SIPA1L1: variants seen among roughly 807,000 people sequenced by gnomAD.
SIPA1L1 encodes signal induced proliferation associated 1 like 1.
A neutral mutation model predicts 162.7 loss-of-function variants in SIPA1L1; 26 were observed. The ratio of observed to expected loss-of-function variants is 0.16; its 90% confidence interval spans 0.12 to 0.22. The LOEUF is 0.22. Among genes scored for constraint, SIPA1L1 ranks in the 10% least tolerant of loss-of-function variants. The pLI is 1.00. For missense variants in SIPA1L1, 1,874 were observed against 2,241.0 expected, an observed-to-expected ratio of 0.84 and a Z score of 3.31; for synonymous variants, 829 against 837.4, an observed-to-expected ratio of 0.99 and a Z score of 0.17.
intron 2 of SIPA1L1, among the ~76,000 whole-genome samples, chr14:71,399,997 A>ATT (rs796964639): frequency 2.7e-5 from 4 of 148,014 alleles, no homozygotes; most frequent in South Asian, 4.3e-4. Flanking sequence ...TATTTTTTGT[A>ATT]TTTTTTTTTT....
At chr14:71,426,566 T>G (rs918429361) in intron 2 of SIPA1L1, among the ~76,000 whole-genome samples, 1 of 151,010 alleles carries the variant, frequency 6.6e-6, no homozygotes, top group Non-Finnish European at 1.5e-5. Flanking sequence ...CTTGGCTTAC[T>G]GCAACCTCTG....
chr14:71,544,150 C>T lies in SIPA1L1; in HGVS notation c.-303+14780C>T, dbSNP rs577437744. Among the ~76,000 whole-genome samples the T allele has an allele frequency of 6.7e-5, 10 of 150,322 alleles. No individual in the cohort carries two copies. In the South Asian group the frequency reaches 1.0e-3, roughly 16 times the overall value. On this transcript the variant is annotated intron_variant, in intron 4 of 23. Transcript: ENST00000381232. ...ACGTGTATGTATATACATATATGCA[C>T]GTGTGTGTATATGTACATATATGCA...
In SIPA1L1 at chr14:71,475,631, T is replaced by G. The variant is rs12889221; in HGVS notation, c.-464-37112T>G. On this transcript the variant is annotated intron_variant, in intron 2 of 23. Coordinates refer to ENST00000381232, the MANE Select transcript of SIPA1L1 (RefSeq NM_001386936.1). ...GAGAAAATTAGAAAGAAAAAAATTA[T>G]CCGTAGCTTCTCCATTAAAACAAAA... Among the ~76,000 whole-genome samples, 822 of 152,330 alleles carry G rather than the reference T, an allele frequency of 5.4e-3. 7 individuals carry two copies. The highest frequency in any genetic ancestry group is 0.014 in the Middle Eastern group (4 of 294).
chr14:71,729,118 C>G (rs1360240631), intron 19 of SIPA1L1, among the ~76,000 whole-genome samples: 3 of 152,216 alleles, frequency 2.0e-5, no homozygotes, highest in Middle Eastern at 3.2e-3. Context: ...TCACAGCAAC[C>G]TCTGCCTCCC....
At chr14:71,715,372 G>A (rs2083191411) in intron 17 of SIPA1L1, among the ~76,000 whole-genome samples, 1 of 152,210 alleles carries the variant, frequency 6.6e-6, no homozygotes, top group African/African-American at 2.4e-5. Flanking sequence ...ACAGATACAA[G>A]CACATGGTGA....
chr14:71,625,438 T>G (rs1471652446), intron 7 of SIPA1L1, among the ~76,000 whole-genome samples: 1 of 152,226 alleles, frequency 6.6e-6, no homozygotes, highest in Non-Finnish European at 1.5e-5. Context: ...TAGCTGGGAT[T>G]ACAGGCATGC....
intron 17 of SIPA1L1, among the ~76,000 whole-genome samples, chr14:71,711,960 G>T (rs562372748): frequency 1.3e-5 from 2 of 152,322 alleles, no homozygotes; most frequent in African/African-American, 4.8e-5. Context: ...ACTTTGGTAT[G>T]TTGATCTTGG....
intron 12 of SIPA1L1, among the ~76,000 whole-genome samples, chr14:71,680,511 A>G (rs373212793): frequency 1.3e-5 from 2 of 152,174 alleles, no homozygotes; most frequent in Non-Finnish European, 2.9e-5. Flanking sequence ...TAACATCACA[A>G]TCAGAAGAAC....
chr14:71,539,287 A>G (rs1218671887), intron 4 of SIPA1L1, among the ~76,000 whole-genome samples: 1 of 152,104 alleles, frequency 6.6e-6, no homozygotes, highest in Non-Finnish European at 1.5e-5. Context: ...TCTTTACTAT[A>G]TTACTCTTTG....
At chr14:71,384,282 A>T (rs1167279008) in intron 2 of SIPA1L1, among the ~76,000 whole-genome samples, 1 of 152,112 alleles carries the variant, frequency 6.6e-6, no homozygotes, top group Non-Finnish European at 1.5e-5. Flanking sequence ...CCTAGGGAAG[A>T]GATAAGGTGA....
intron 2 of SIPA1L1, among the ~76,000 whole-genome samples, chr14:71,407,077 A>G: frequency 6.6e-6 from 1 of 152,188 alleles, no homozygotes; most frequent in Non-Finnish European, 1.5e-5. Context: ...CCCTGCCTCT[A>G]CTAAAAATAA....
At chr14:71,606,883 C>G (rs1596381903) in intron 5 of SIPA1L1, among the ~76,000 whole-genome samples, 1 of 150,816 alleles carries the variant, frequency 6.6e-6, no homozygotes, top group East Asian at 2.0e-4. Flanking sequence ...TAAAAGGAGT[C>G]CAGATAAAAA....
In SIPA1L1 at chr14:71,468,044, G is replaced by GTGTGTC. The variant is rs1347189304; in HGVS notation, c.-464-44696_-464-44695insGTCTGT. Among the ~76,000 whole-genome samples, 26 of 145,588 alleles carry GTGTGTC rather than the reference G, an allele frequency of 1.8e-4. No individual in the cohort carries two copies. The South Asian group carries it at 3.2e-3, about 18-fold the overall frequency. ...TGTGTGTGTGTGTGTGTGTGTGTGT[G>GTGTGTC]TGTCTGTCTGTGTCTGTCTGTCTGT... On this transcript the variant is annotated intron_variant, in intron 2 of 23. Transcript: ENST00000381232.
At chr14:71,662,767 A>C (rs1447347791) in intron 10 of SIPA1L1, among the ~76,000 whole-genome samples, 1 of 152,196 alleles carries the variant, frequency 6.6e-6, no homozygotes, top group Non-Finnish European at 1.5e-5. Context: ...AACAATGAAG[A>C]CCTAGATCTG....
At chr14:71,580,930 G>C (rs1036066513) in intron 4 of SIPA1L1, among the ~76,000 whole-genome samples, 2 of 152,046 alleles carry the variant, frequency 1.3e-5, no homozygotes, top group African/African-American at 4.8e-5. Flanking sequence ...GACAAACATT[G>C]TCAGTCCTTT....
intron 4 of SIPA1L1, among the ~76,000 whole-genome samples, chr14:71,556,342 A>G (rs1567201439): frequency 1.3e-5 from 2 of 152,184 alleles, no homozygotes; most frequent in South Asian, 2.1e-4. Flanking sequence ...TTTTCTCCAC[A>G]TGCCAAACAG....
intron 4 of SIPA1L1, among the ~76,000 whole-genome samples, chr14:71,570,700 T>C (rs2031811463): frequency 6.6e-6 from 1 of 152,110 alleles, no homozygotes; most frequent in African/African-American, 2.4e-5. Context: ...GAATATAAGA[T>C]ACTGAAGATG....
At position 71,355,324 on chromosome 14, in the gene SIPA1L1, T is replaced by G. The variant is rs538160580; in HGVS notation, c.-465+34143T>G. Among the ~76,000 whole-genome samples, 10 of 152,324 alleles carry G rather than the reference T, an allele frequency of 6.6e-5. No individual in the cohort carries two copies. The East Asian group carries it at 1.7e-3, about 26-fold the overall frequency. On this transcript the variant is annotated intron_variant, in intron 2 of 23. Transcript: ENST00000381232. Reference sequence around the variant, plus strand: ...ACTTCTCAGTGCTTCCAGTCTGCTTTTAGTATTAGATAATAGTGTCCTATT... The same window carrying G: ...ACTTCTCAGTGCTTCCAGTCTGCTTGTAGTATTAGATAATAGTGTCCTATT...
intron 4 of SIPA1L1, among the ~76,000 whole-genome samples, chr14:71,561,002 A>G (rs1298830370): frequency 6.6e-6 from 1 of 152,218 alleles, no homozygotes; most frequent in African/African-American, 2.4e-5. Flanking sequence ...GAATTGAGTC[A>G]TAACACTCTA....
Sources: allele counts gnomAD v4.1 joint callset (sites outside exome capture counted in the v4.1 genomes callset), GRCh38; gene constraint gnomAD v4.1.1; transcripts MANE v1.5; gene names NCBI Gene and HGNC (gene_info 2026-07-23, HGNC 2026-07-21).